Variants in HELLS observed in about 807,000 individuals in gnomAD.
HELLS encodes lymphoid-specific helicase.
Under a neutral mutation model 120.0 loss-of-function variants are expected in HELLS, and 32 were observed. That is an observed-to-expected ratio of 0.27 (90% CI 0.20 to 0.36). The LOEUF (loss-of-function observed/expected upper bound fraction) is 0.36, where lower values mean the gene tolerates loss of function less well. Ranked by LOEUF, HELLS falls within the 10% of genes least tolerant of loss-of-function variation. HELLS has a pLI of 1.00. For synonymous variants in HELLS, 341 were observed against 323.4 expected (o/e 1.05, Z -0.58); for missense variants, 650 against 993.4 (o/e 0.65, Z 4.65).
At position 94,601,312 on chromosome 10, in the gene HELLS, G is replaced by A. The variant is rs577538442; in HGVS notation, c.2423-216G>A. Among the ~76,000 whole-genome samples the A allele has an allele frequency of 2.0e-5, 3 of 152,248 alleles. No individual in the cohort carries two copies. The South Asian group carries it at 6.2e-4, about 32-fold the overall frequency. On this transcript the variant is annotated intron_variant, in intron 21 of 21. Transcript: ENST00000348459. Reference sequence around the variant, plus strand: ...GATGCTTTAGATTGTATGCTCCCAAGAGTCTGATTCTAGTTGTTGTATTAA... The same window carrying A: ...GATGCTTTAGATTGTATGCTCCCAAAAGTCTGATTCTAGTTGTTGTATTAA...
At chr10:94,605,310 T>G (rs1846117205), downstream of HELLS, among the ~76,000 whole-genome samples, 1 of 152,168 alleles carries the variant, frequency 6.6e-6, no homozygotes, top group Non-Finnish European at 1.5e-5. Flanking sequence ...CTCGAACTCC[T>G]GACCTCAGGT....
chr10:94,583,696 T>C (rs1844985503), intron 12 of HELLS, among the ~76,000 whole-genome samples: 2 of 152,144 alleles, frequency 1.3e-5, no homozygotes, highest in Admixed American at 1.3e-4. Flanking sequence ...CAAACTCTTT[T>C]CTGTCTTTGT....
chr10:94,554,034 G>T, intron 2 of HELLS, 92 bp from the exon 3 acceptor site: 37 of 1,084,212 alleles, frequency 3.4e-5, no homozygotes, highest in Non-Finnish European at 3.9e-5. Context: ...TTTAAAAAAT[G>T]TTATTTTAGC....
At chr10:94,559,035 A>G (rs1340113471) in intron 4 of HELLS, among the ~76,000 whole-genome samples, 1 of 152,138 alleles carries the variant, frequency 6.6e-6, no homozygotes, top group Non-Finnish European at 1.5e-5. Context: ...TCGCCTACTC[A>G]CTTACATTTA....
chr10:94,584,518 A>G (rs1845025692), intron 12 of HELLS, among the ~76,000 whole-genome samples: 1 of 152,126 alleles, frequency 6.6e-6, no homozygotes, highest in Admixed American at 6.5e-5. Flanking sequence ...ATGTGTTTGG[A>G]TATCACATCC....
intron 6 of HELLS, among the ~76,000 whole-genome samples, chr10:94,565,647 A>ATG (rs1199103641): frequency 6.6e-6 from 1 of 151,126 alleles, no homozygotes; most frequent in East Asian, 2.0e-4. Flanking sequence ...CTGAGATGGC[A>ATG]CCATTGCACT....
downstream of HELLS, among the ~76,000 whole-genome samples, chr10:94,603,055 C>T (rs992016905): frequency 1.2e-4 from 18 of 152,152 alleles, no homozygotes; most frequent in Non-Finnish European, 2.6e-4. Flanking sequence ...AAGTTGTCAC[C>T]GTTGCATCTG....
At chr10:94,601,405 T>TA (rs1846025224) in intron 21 of HELLS, 123 bp from the exon 22 acceptor site, 1 of 619,896 alleles carries the variant, frequency 1.6e-6, no homozygotes, top group African/African-American at 1.9e-5. Flanking sequence ...TGCCCTGTAT[T>TA]ACTGTGAGTT....
chr10:94,563,808 C>CT (rs10623208), intron 6 of HELLS, among the ~76,000 whole-genome samples: 5,988 of 136,372 alleles, frequency 0.044, 191 homozygotes, highest in South Asian at 0.059. Context: ...GTTTTCTTTT[C>CT]TTTTTTTTTT....
Position 94,588,372 on chromosome 10 carries a change from C to T in HELLS, c.1470C>T (p.Asn490=), listed in dbSNP as rs1250453078. 2 of 1,604,176 alleles carry T rather than the reference C, an allele frequency of 1.2e-6. No individual in the cohort carries two copies. The highest frequency in any genetic ancestry group is 1.7e-6 in the Non-Finnish European group (2 of 1,175,670). The change falls in exon 13 of 22, where the codon AAC becomes AAT. Residue 490 remains asparagine (N), a synonymous_variant. Transcript: ENST00000348459. ...YTAIVNRTIA[N]MFGSSEKETI... is the part of the protein sequence containing the mutation. ...CCATTGTGAACCGTACAATTGCAAA[C>T]ATGTTTGGATCCAGTGAGGTATAGT...
intron 21 of HELLS, among the ~76,000 whole-genome samples, chr10:94,599,219 AAAC>A (rs556496403): frequency 1.5e-4 from 23 of 152,244 alleles, no homozygotes; most frequent in Non-Finnish European, 2.6e-4. Flanking sequence ...CTATATTAAA[AAAC>A]AACATTATGT....
At chr10:94,576,459 G>T (rs1844490212) in intron 9 of HELLS, among the ~76,000 whole-genome samples, 1 of 149,860 alleles carries the variant, frequency 6.7e-6, no homozygotes, top group South Asian at 2.1e-4. Context: ...GCCTGACTTT[G>T]TTTTTTTGTT....
rs1332982158 is a variant in HELLS at position 94,545,881 on chromosome 10, T to C, written c.-41T>C. Reference sequence around the variant, plus strand: ...GGAGTTAGCTCGCGGCATTGCAGGCTCTGAGAGGAGGGGACCCGGTTCCCG... The same window carrying C: ...GGAGTTAGCTCGCGGCATTGCAGGCCCTGAGAGGAGGGGACCCGGTTCCCG... On this transcript the variant is annotated 5_prime_UTR_variant, in exon 1 of 22. Transcript: ENST00000348459. 3 of 1,551,386 alleles carry C rather than the reference T, an allele frequency of 1.9e-6. No individual in the cohort carries two copies. Among genetic ancestry groups the C allele is most frequent in the Non-Finnish European group, 2.6e-6 (3 of 1,146,508 alleles).
chr10:94,581,305 T>C (rs1844855939), intron 10 of HELLS, 21 bp from the exon 11 acceptor site: 1 of 1,445,506 alleles, frequency 6.9e-7, no homozygotes. Flanking sequence ...TAAAAATCTT[T>C]TTCCTCAATT....
chr10:94,608,061 T>C, intron 9 of HELLS: 1 of 203,190 alleles, frequency 4.9e-6, no homozygotes, highest in South Asian at 6.1e-5. Context: ...AAGCCCTAAT[T>C]TTTACATTAA....
chr10:94,558,260 TCTGA>T, intron 4 of HELLS, 65 bp downstream of exon 4: 1 of 1,486,324 alleles, frequency 6.7e-7, no homozygotes, highest in South Asian at 1.4e-5. Context: ...TTTGTATTCT[TCTGA>T]CTTTTTTGAT....
At chr10:94,603,342 TAGC>T (rs1419122084), downstream of HELLS, among the ~76,000 whole-genome samples, 3 of 152,348 alleles carry the variant, frequency 2.0e-5, no homozygotes, top group East Asian at 5.8e-4. Context: ...CTTGATCTAT[TAGC>T]AGCATTTCAT....
intron 6 of HELLS, among the ~76,000 whole-genome samples, chr10:94,566,155 T>C (rs1843786632): frequency 6.6e-6 from 1 of 152,162 alleles, no homozygotes; most frequent in Non-Finnish European, 1.5e-5. Flanking sequence ...GTACTGGGAT[T>C]ACAGGTCTGA....
In HELLS at chr10:94,580,184, C is replaced by T. The variant is rs1319832760; in HGVS notation, c.1033-1142C>T. Among the ~76,000 whole-genome samples, 422 of 77,492 alleles carry T rather than the reference C, an allele frequency of 5.4e-3. 2 individuals are homozygous for T. Among genetic ancestry groups the T allele is most frequent in the Non-Finnish European group, 6.3e-3 (251 of 39,942 alleles). The allele number at this position is 77,492 out of a possible 152,430, so 50.8% of individuals were successfully genotyped here. On this transcript the variant is annotated intron_variant, in intron 10 of 21. Coordinates refer to ENST00000348459, the MANE Select transcript of HELLS (RefSeq NM_018063.5). ...ATATACACACACACACACACACACA[C>T]ATTTTTTTTTTTTTTTTTTTGAGAC...
Sources: allele counts gnomAD v4.1 joint callset (sites outside exome capture counted in the v4.1 genomes callset), GRCh38; gene constraint gnomAD v4.1.1; transcripts MANE v1.5; gene names NCBI Gene and HGNC (gene_info 2026-07-23, HGNC 2026-07-21).